Variants in SCAF4 observed in about 807,000 individuals in gnomAD.
SCAF4 encodes SR-related CTD associated factor 4.
SCAF4 carries 25 observed loss-of-function variants against 129.8 expected under a neutral mutation model. That is an observed-to-expected ratio of 0.19 (90% CI 0.14 to 0.27). The LOEUF (loss-of-function observed/expected upper bound fraction) is 0.27. Ranked by LOEUF, SCAF4 falls within the 10% of genes least tolerant of loss-of-function variation. The probability of loss-of-function intolerance (pLI) is 1.00; values close to 1 mark genes in which losing one functional copy is unlikely to be tolerated. For missense variants in SCAF4, 1,246 were observed against 1,457.1 expected (o/e 0.86, Z 2.36); for synonymous variants, 551 against 497.7 (o/e 1.11, Z -1.43).
rs1484756259 is a variant in SCAF4 at position 31,732,062 on chromosome 21, C to T, written c.-370G>A. On this transcript the variant is annotated 5_prime_UTR_variant, in exon 1 of 20. Transcript: ENST00000286835. Reference sequence around the variant, plus strand: ...CCGGCGAGCGGGCGGGCCTCTCTCTCCCTCTCTCCAGCGGGATGGCGGCAG... The same window carrying T: ...CCGGCGAGCGGGCGGGCCTCTCTCTTCCTCTCTCCAGCGGGATGGCGGCAG... 1 of 423,204 alleles carries T rather than the reference C, an allele frequency of 2.4e-6. No individual in the cohort carries two copies. Among genetic ancestry groups the T allele is most frequent in the Non-Finnish European group, 4.1e-6 (1 of 242,552 alleles). The allele number at this position is 423,204 out of a possible 1,614,324, so 26.2% of individuals were successfully genotyped here.
intron 14 of SCAF4, among the ~76,000 whole-genome samples, 197 bp from the exon 15 acceptor site, chr21:31,691,150 T>C (rs1036549083): frequency 6.6e-5 from 10 of 152,154 alleles, no homozygotes; most frequent in African/African-American, 1.7e-4. Flanking sequence ...TGTCCTAGGA[T>C]GGAAATTTCA....
intron 19 of SCAF4, among the ~76,000 whole-genome samples, chr21:31,679,123 T>G (rs2049937217): frequency 6.6e-6 from 1 of 152,170 alleles, no homozygotes; most frequent in South Asian, 2.1e-4. Flanking sequence ...AGCATAAACC[T>G]AGGAGGACTT....
In SCAF4 at chr21:31,671,804, C is replaced by G; in HGVS notation, c.3039G>C (p.Arg1013=). The G allele has an allele frequency of 6.2e-7, 1 of 1,613,962 alleles. No homozygotes were observed. The change falls in exon 20 of 20, where the codon CGG becomes CGC. Residue 1013 remains arginine (R), a synonymous_variant. Coordinates refer to ENST00000286835, the MANE Select transcript of SCAF4 (RefSeq NM_020706.2). ...CATCATTACGGTTCCCATACCGTTC[C>G]CGGTCATTTTCCACCCTATTTCCAA... ...RSFGNRVEND[R]ERYGNRNDDR...
chr21:31,721,908 C>T (rs922640720), intron 1 of SCAF4, among the ~76,000 whole-genome samples: 1 of 151,802 alleles, frequency 6.6e-6, no homozygotes, highest in Non-Finnish European at 1.5e-5. Context: ...TTAGTACAGA[C>T]AGGGTTTCTC....
chr21:31,721,838 T>C (rs1339865665), intron 1 of SCAF4, among the ~76,000 whole-genome samples: 3 of 151,218 alleles, frequency 2.0e-5, no homozygotes, highest in Non-Finnish European at 4.4e-5. Flanking sequence ...GTGATTCTCC[T>C]GCCTCCTGAG....
chr21:31,691,877 G>C lies in SCAF4; in HGVS notation c.1668C>G (p.Ala556=). 6.2e-7 allele frequency: 1 copy of C among 1,609,670 alleles called. No individual in the cohort carries two copies. Among genetic ancestry groups the C allele is most frequent in the Non-Finnish European group, 8.5e-7 (1 of 1,177,884 alleles). ...GGCTCAGTTTCTGCAGGGCACGATA[G>C]GCATCTTGCCTATGAACCATAACAA... is the stretch of plus-strand genomic sequence containing the variant. ...AYIVMVHRQD[A]YRALQKLSRG... Residue 556 remains alanine (A), a synonymous_variant, in exon 14 of 20, where the codon GCC becomes GCG. Transcript: ENST00000286835.
intron 19 of SCAF4, among the ~76,000 whole-genome samples, chr21:31,682,835 G>A (rs1015109446): frequency 1.1e-4 from 16 of 152,210 alleles, no homozygotes; most frequent in African/African-American, 3.9e-4. Context: ...ATACTGCAGT[G>A]TGGTCACCAC....
In SCAF4 at chr21:31,671,332, G is replaced by C; in HGVS notation, c.*67C>G. The C allele has an allele frequency of 1.9e-6, 3 of 1,544,786 alleles. No individual in the cohort carries two copies. The highest frequency in any genetic ancestry group is 1.7e-6 in the Non-Finnish European group (2 of 1,144,270). On this transcript the variant is annotated 3_prime_UTR_variant, in exon 20 of 20. Transcript: ENST00000286835. ...GTACAGCGGGAGCGGATATAATACAGCATCTGTACACCTCAAGCTCTACAC... is the reference window on the plus strand; with the variant it reads ...GTACAGCGGGAGCGGATATAATACACCATCTGTACACCTCAAGCTCTACAC...
intron 1 of SCAF4, among the ~76,000 whole-genome samples, chr21:31,721,261 T>C (rs1160988054): frequency 6.6e-6 from 1 of 152,206 alleles, no homozygotes; most frequent in Non-Finnish European, 1.5e-5. Context: ...TCATAAAGAT[T>C]TGGACTTATT....
intron 14 of SCAF4, among the ~76,000 whole-genome samples, chr21:31,691,360 T>A (rs901444612): frequency 6.6e-6 from 1 of 152,156 alleles, no homozygotes; most frequent in African/African-American, 2.4e-5. Flanking sequence ...AGCGGTAGAA[T>A]GGGGTGTTAA....
intron 1 of SCAF4, among the ~76,000 whole-genome samples, chr21:31,726,018 G>A (rs2051193662): frequency 6.6e-6 from 1 of 150,692 alleles, no homozygotes; most frequent in Non-Finnish European, 1.5e-5. Context: ...ATAACCAATA[G>A]ATAGATACAA....
At chr21:31,731,622 C>T (rs746548763) in intron 1 of SCAF4, 41 bp downstream of exon 1, 3 of 1,582,778 alleles carry the variant, frequency 1.9e-6, no homozygotes, top group African/African-American at 1.4e-5. Context: ...CCCCGGCTCC[C>T]GCAGCAGGCC....
rs967851634 is a variant in SCAF4 at position 31,696,312 on chromosome 21, C to T, written c.960-91G>A. ...CAGAAACAGAGTGTTGTTCATGAGTCATTAACATTTTACTGAACCATATAT... is the reference window on the plus strand; with the variant it reads ...CAGAAACAGAGTGTTGTTCATGAGTTATTAACATTTTACTGAACCATATAT... On this transcript the variant is annotated intron_variant, in intron 8 of 19. Coordinates refer to ENST00000286835, the MANE Select transcript of SCAF4 (RefSeq NM_020706.2). 5 of 958,358 alleles carry T rather than the reference C, an allele frequency of 5.2e-6. No individual in the cohort carries two copies. The African/African-American group carries it at 8.1e-5, about 16-fold the overall frequency. 59.4% of individuals were successfully genotyped at this position (958,358 alleles called of 1,614,324 possible). A position where few individuals can be genotyped will look rare whatever the true frequency, so the allele number is the denominator to read the frequency against.
At chr21:31,704,736 A>G (rs958544136) in intron 3 of SCAF4, among the ~76,000 whole-genome samples, 1 of 152,192 alleles carries the variant, frequency 6.6e-6, no homozygotes, top group African/African-American at 2.4e-5. Flanking sequence ...ATTGCAGTTA[A>G]TTTGTTGACA....
intron 1 of SCAF4, among the ~76,000 whole-genome samples, chr21:31,714,101 G>A (rs1263738684): frequency 6.6e-6 from 1 of 152,092 alleles, no homozygotes; most frequent in Non-Finnish European, 1.5e-5. Flanking sequence ...AAGCCATAAT[G>A]TCCTCATTTG....
rs192224825 is a variant in SCAF4 at position 31,674,389 on chromosome 21, C to G, written c.2489-2035G>C. ...GGATTTGCTTAAAACATTATACACT[C>G]AAATCCTTTCCCTTCTTCGTAAATA... On this transcript the variant is annotated intron_variant, in intron 19 of 19. Coordinates refer to ENST00000286835, the MANE Select transcript of SCAF4 (RefSeq NM_020706.2). Among the ~76,000 whole-genome samples, 15 of 152,320 alleles carry G rather than the reference C, an allele frequency of 9.8e-5. No homozygotes were observed. In the East Asian group the frequency reaches 2.9e-3, roughly 29 times the overall value.
Position 31,672,193 on chromosome 21 carries a change from G to T in SCAF4, c.2650C>A (p.His884Asn). The change falls in exon 20 of 20, where the codon CAC becomes AAC. Residue 884 changes from histidine to asparagine, a missense_variant. By Grantham distance (68) the His-to-Asn change is moderately conservative. This residue lies in a region of SCAF4 where 468 missense variants were observed against 605.5 expected (regional missense o/e 0.77). Transcript: ENST00000286835. ...PLMPPRPMPPHMMHRGPPPGP... is the reference protein window; with the variant it reads ...PLMPPRPMPPNMMHRGPPPGP... ...GGCGGTGGGCCTCTGTGCATCATGT[G>T]CGGTGGCATGGGACGGGGCGGCATC... The T allele has an allele frequency of 6.2e-7, 1 of 1,606,394 alleles. No homozygotes were observed. Among genetic ancestry groups the T allele is most frequent in the Non-Finnish European group, 8.5e-7 (1 of 1,175,430 alleles).
chr21:31,671,205 T>C lies in SCAF4; in HGVS notation c.*194A>G. 2.0e-6 allele frequency: 1 copy of C among 499,060 alleles called. No homozygotes were observed. 30.9% of individuals were successfully genotyped at this position (499,060 alleles called of 1,614,324 possible). A position where few individuals can be genotyped will look rare whatever the true frequency, so the allele number is the denominator to read the frequency against. On this transcript the variant is annotated 3_prime_UTR_variant, in exon 20 of 20. Coordinates refer to ENST00000286835, the MANE Select transcript of SCAF4 (RefSeq NM_020706.2). ...AAGTTACAGCAAAAAGGGTAATATT[T>C]ATTCATATTTTCAGTATTTTTTGTT...
At position 31,672,364 on chromosome 21, in the gene SCAF4, G is replaced by A. The variant is rs762882113; in HGVS notation, c.2489-10C>T. The A allele has an allele frequency of 1.2e-5, 20 of 1,600,608 alleles. No individual in the cohort carries two copies. Among genetic ancestry groups the A allele is most frequent in the Non-Finnish European group, 1.5e-5 (18 of 1,168,960 alleles). ...GCAACTCCTTGAGTGCCTAAAAGACGACAAAAATAAAAATGTAAACACCAC... is the reference window on the plus strand; with the variant it reads ...GCAACTCCTTGAGTGCCTAAAAGACAACAAAAATAAAAATGTAAACACCAC... On this transcript the variant is annotated splice_polypyrimidine_tract_variant and intron_variant, in intron 19 of 19. Transcript: ENST00000286835.
Sources: gnomAD v4.1 joint callset for allele counts (sites outside exome capture counted in the v4.1 genomes callset) on GRCh38, gnomAD v4.1.1 for gene constraint, gnomAD v4.1.1 regional missense constraint, MANE v1.5 for transcripts, NCBI Gene and HGNC (gene_info 2026-07-23, HGNC 2026-07-21) for gene names.